The following NUBPL variants were observed in gnomAD, a reference collection of about 807,000 sequenced individuals.
NUBPL encodes the protein NUBP iron-sulfur cluster assembly factor, mitochondrial.
In NUBPL, 31 loss-of-function variants were observed where a neutral mutation model predicts 45.7. The ratio of observed to expected loss-of-function variants is 0.68; its 90% CI spans 0.51 to 0.92. The LOEUF (loss-of-function observed/expected upper bound fraction) is 0.92. Ranked by LOEUF, NUBPL falls within the 40% of genes least tolerant of loss-of-function variation. NUBPL has a pLI of 0.00. For synonymous variants in NUBPL, 144 were observed against 140.9 expected, an observed-to-expected ratio of 1.02 and a Z score of -0.15; for missense variants, 401 against 398.7, an observed-to-expected ratio of 1.01 and a Z score of -0.05.
intron 6 of NUBPL, among the ~76,000 whole-genome samples, chr14:31,753,536 A>T (rs2038580234): frequency 6.6e-6 from 1 of 152,082 alleles, no homozygotes. Flanking sequence ...AGGCATAGTG[A>T]AATGACAGTG....
Position 31,669,065 on chromosome 14 carries a change from G to A in NUBPL, c.383-4290G>A, listed in dbSNP as rs765748487. On this transcript the variant is annotated intron_variant, in intron 4 of 10. Transcript: ENST00000281081. ...ATTTTTAGAGTTGGGGTCTCACTAT[G>A]TTACTCAGGCTGGACTCAAACTCCT... Among the ~76,000 whole-genome samples the A allele has an allele frequency of 4.3e-4, 66 of 152,112 alleles. 1 individual carries two copies. Among genetic ancestry groups the A allele is most frequent in the Non-Finnish European group, 8.2e-4 (56 of 68,040 alleles).
intron 6 of NUBPL, among the ~76,000 whole-genome samples, chr14:31,691,987 G>T (rs2037104437): frequency 1.3e-5 from 2 of 152,264 alleles, no homozygotes; most frequent in South Asian, 4.1e-4. Context: ...GTATGTTCAT[G>T]AATGCATTTT....
At chr14:31,740,253 AT>A (rs200526616) in intron 6 of NUBPL, among the ~76,000 whole-genome samples, 2,004 of 152,252 alleles carry the variant, frequency 0.013, 20 homozygotes, top group Middle Eastern at 0.024. Flanking sequence ...GGCTGTACCA[AT>A]TTGCATCCCC....
intron 6 of NUBPL, among the ~76,000 whole-genome samples, chr14:31,720,463 C>T (rs2037783791): frequency 6.6e-6 from 1 of 152,096 alleles, no homozygotes; most frequent in Non-Finnish European, 1.5e-5. Context: ...TATTTTGGTC[C>T]TGTCTGTCCC....
chr14:31,737,098 T>C (rs1022470567), intron 6 of NUBPL, among the ~76,000 whole-genome samples: 1 of 124,494 alleles, frequency 8.0e-6, no homozygotes, highest in Non-Finnish European at 1.7e-5. Flanking sequence ...CAGATATCAA[T>C]CAATGGCTTG....
At chr14:31,665,312 G>A (rs1232707859) in intron 4 of NUBPL, among the ~76,000 whole-genome samples, 2 of 152,146 alleles carry the variant, frequency 1.3e-5, no homozygotes, top group Non-Finnish European at 2.9e-5. Context: ...TAATTGTGAT[G>A]TTAAGGTGTC....
At chr14:31,782,893 G>A (rs2039218733) in intron 6 of NUBPL, among the ~76,000 whole-genome samples, 1 of 152,168 alleles carries the variant, frequency 6.6e-6, no homozygotes, top group African/African-American at 2.4e-5. Flanking sequence ...AGAAAAACAT[G>A]TTTTCCTATA....
At chr14:31,838,388 G>T (rs1016697866) in intron 8 of NUBPL, among the ~76,000 whole-genome samples, 3 of 151,590 alleles carry the variant, frequency 2.0e-5, no homozygotes, top group Non-Finnish European at 2.9e-5. Context: ...AAGGAGAATG[G>T]ATATTTGTGG....
intron 4 of NUBPL, among the ~76,000 whole-genome samples, chr14:31,621,518 A>G (rs1223968146): frequency 6.6e-6 from 1 of 152,040 alleles, no homozygotes; most frequent in Non-Finnish European, 1.5e-5. Flanking sequence ...ACAGTCTCTC[A>G]CCACTTCCCT....
chr14:31,810,273 G>T (rs916327886), intron 7 of NUBPL, among the ~76,000 whole-genome samples: 6 of 151,786 alleles, frequency 4.0e-5, no homozygotes, highest in Admixed American at 3.9e-4. Context: ...TAGGTCTCTT[G>T]GGGCTTGCTT....
At chr14:31,798,791 CAAAAAAA>C (rs1164176250) in intron 7 of NUBPL, among the ~76,000 whole-genome samples, 7 of 53,528 alleles carry the variant, frequency 1.3e-4, no homozygotes, top group African/African-American at 2.9e-4. Context: ...GACTCCGTCT[CAAAAAAA>C]AAAAAAAAAA....
chr14:31,656,630 C>T (rs567859617), intron 4 of NUBPL, among the ~76,000 whole-genome samples: 56 of 152,260 alleles, frequency 3.7e-4, no homozygotes, highest in African/African-American at 1.3e-3. Flanking sequence ...AGTCAGAACA[C>T]ACACACAACA....
At chr14:31,857,148 G>A (rs1054049123) in intron 10 of NUBPL, among the ~76,000 whole-genome samples, 4 of 152,084 alleles carry the variant, frequency 2.6e-5, no homozygotes. Flanking sequence ...CTTGATTTCT[G>A]TGCACCCACA....
intron 6 of NUBPL, among the ~76,000 whole-genome samples, chr14:31,675,296 T>C (rs2036667475): frequency 6.6e-6 from 1 of 152,218 alleles, no homozygotes; most frequent in Non-Finnish European, 1.5e-5. Context: ...CTTACAGTCT[T>C]TCGTGAAGTC....
chr14:31,753,162 T>C (rs2038570503), intron 6 of NUBPL, among the ~76,000 whole-genome samples: 2 of 152,182 alleles, frequency 1.3e-5, no homozygotes, highest in African/African-American at 2.4e-5. Context: ...GTGGTGTGGC[T>C]TTTCTCACTG....
intron 3 of NUBPL, among the ~76,000 whole-genome samples, chr14:31,598,035 A>T (rs1222428069): frequency 6.6e-6 from 1 of 152,140 alleles, no homozygotes; most frequent in East Asian, 1.9e-4. Flanking sequence ...CTTAAATTTT[A>T]TATACCACCA....
chr14:31,814,413 C>T (rs2039874672), intron 7 of NUBPL, among the ~76,000 whole-genome samples: 1 of 151,710 alleles, frequency 6.6e-6, no homozygotes, highest in South Asian at 2.1e-4. Flanking sequence ...TGTTTAAGTT[C>T]CTTGTACATT....
intron 7 of NUBPL, among the ~76,000 whole-genome samples, chr14:31,788,356 CTCTT>C (rs142107438): frequency 0.048 from 7,357 of 152,156 alleles, 601 homozygotes; most frequent in African/African-American, 0.17. Flanking sequence ...TTGTGTTGGA[CTCTT>C]TCTTTAAGTT....
chr14:31,639,584 A>G (rs185304899), intron 4 of NUBPL, among the ~76,000 whole-genome samples: 1 of 152,316 alleles, frequency 6.6e-6, no homozygotes, highest in East Asian at 1.9e-4. Context: ...CTCCAGCTGC[A>G]TCCTGGGAGA....
Sources: gnomAD v4.1 joint callset for allele counts (sites outside exome capture counted in the v4.1 genomes callset) on GRCh38, gnomAD v4.1.1 for gene constraint, MANE v1.5 for transcripts, NCBI Gene and HGNC (gene_info 2026-07-23, HGNC 2026-07-21) for gene names.